Variants in PITPNC1 observed in about 807,000 individuals in gnomAD.
PITPNC1 encodes phosphatidylinositol transfer protein cytoplasmic 1.
Under a neutral mutation model 44.7 loss-of-function variants are expected in PITPNC1, and 18 were observed. That is an observed-to-expected ratio of 0.40 (90% CI 0.28 to 0.60). The LOEUF (loss-of-function observed/expected upper bound fraction) is 0.60, where lower values mean the gene tolerates loss of function less well. Ranked by LOEUF, PITPNC1 falls within the 20% of genes least tolerant of loss-of-function variation. The pLI, the probability that PITPNC1 is intolerant of heterozygous loss-of-function variation, is 0.39. For missense variants in PITPNC1, 290 were observed against 418.4 expected (o/e 0.69, Z 2.68); for synonymous variants, 141 against 149.6 (o/e 0.94, Z 0.42).
At chr17:67,589,074 G>A (rs1017589979) in intron 5 of PITPNC1, among the ~76,000 whole-genome samples, 1 of 152,176 alleles carries the variant, frequency 6.6e-6, no homozygotes, top group African/African-American at 2.4e-5. Flanking sequence ...ATCTGCTTTG[G>A]TCTGTGAAGT....
intron 4 of PITPNC1, among the ~76,000 whole-genome samples, chr17:67,554,602 G>T (rs2952459): frequency 0.14 from 20,758 of 152,124 alleles, 3,650 homozygotes; most frequent in African/African-American, 0.41. Flanking sequence ...GAGTTTTTGG[G>T]TTCAATCCAA....
chr17:67,446,710 T>C (rs780602115), intron 1 of PITPNC1, among the ~76,000 whole-genome samples: 11 of 151,782 alleles, frequency 7.2e-5, no homozygotes, highest in Non-Finnish European at 8.8e-5. Flanking sequence ...TCTGGGTCCA[T>C]TGAATGGTGG....
At position 67,619,998 on chromosome 17, in the gene PITPNC1, C is replaced by A. The variant is rs115448969; in HGVS notation, c.367-12145C>A. Among the ~76,000 whole-genome samples, 969 of 152,252 alleles carry A rather than the reference C, an allele frequency of 6.4e-3. 11 individuals carry two copies. Among genetic ancestry groups the A allele is most frequent in the African/African-American group, 0.022 (922 of 41,542 alleles). On this transcript the variant is annotated intron_variant, in intron 5 of 8. Coordinates refer to ENST00000581322, the MANE Select transcript of PITPNC1 (RefSeq NM_012417.4). The stretch of plus-strand genomic sequence containing the variant: ...AAAGACAGCCTTCTGAAGATTACTT[C>A]TCAGTCTCTTAGCCTCCCTTTTCCT...
intron 1 of PITPNC1, among the ~76,000 whole-genome samples, chr17:67,515,352 C>G (rs933806468): frequency 6.6e-6 from 1 of 152,190 alleles, no homozygotes; most frequent in African/African-American, 2.4e-5. Flanking sequence ...TGGAGCCTCT[C>G]CCTTGTTCTC....
chr17:67,424,085 CAAAAAA>C (rs71139144), intron 1 of PITPNC1, among the ~76,000 whole-genome samples: 4 of 76,118 alleles, frequency 5.3e-5, no homozygotes, highest in African/African-American at 2.0e-4. Flanking sequence ...GAGACTGTCT[CAAAAAA>C]AAAAAAAAAA....
At chr17:67,551,487 G>T (rs2040762029) in intron 2 of PITPNC1, among the ~76,000 whole-genome samples, 1 of 152,120 alleles carries the variant, frequency 6.6e-6, no homozygotes, top group African/African-American at 2.4e-5. Flanking sequence ...TCTTTGGCTT[G>T]CAGCAACATC....
At chr17:67,386,462 G>A (rs567741441) in intron 1 of PITPNC1, among the ~76,000 whole-genome samples, 1 of 152,120 alleles carries the variant, frequency 6.6e-6, no homozygotes, top group East Asian at 1.9e-4. Flanking sequence ...CAGAGTGCTG[G>A]GATTACAGGT....
chr17:67,579,775 C>G (rs879717571), intron 5 of PITPNC1, among the ~76,000 whole-genome samples: 6 of 151,856 alleles, frequency 4.0e-5, no homozygotes, highest in Non-Finnish European at 7.4e-5. Flanking sequence ...CCCATCTCTA[C>G]TAAAAATACA....
At chr17:67,482,400 A>G (rs2039716646) in intron 1 of PITPNC1, among the ~76,000 whole-genome samples, 1 of 152,290 alleles carries the variant, frequency 6.6e-6, no homozygotes, top group South Asian at 2.1e-4. Flanking sequence ...TAATAGATTA[A>G]TGGTAATCAT....
At chr17:67,660,518 T>TTTTATTTATTTATTTATTTA (rs1007987447) in intron 6 of PITPNC1, among the ~76,000 whole-genome samples, 3 of 139,380 alleles carry the variant, frequency 2.2e-5, no homozygotes, top group African/African-American at 5.9e-5. Context: ...TTTTATTTTA[T>TTTTATTTATTTATTTATTTA]TTTATTTATT....
intron 1 of PITPNC1, among the ~76,000 whole-genome samples, chr17:67,510,341 C>T (rs890557025): frequency 5.9e-5 from 9 of 152,236 alleles, no homozygotes; most frequent in Non-Finnish European, 1.3e-4. Context: ...TTTCAGGACA[C>T]CCCGAACCTG....
At chr17:67,637,105 G>A (rs2042042159) in intron 6 of PITPNC1, among the ~76,000 whole-genome samples, 1 of 152,202 alleles carries the variant, frequency 6.6e-6, no homozygotes, top group Non-Finnish European at 1.5e-5. Flanking sequence ...ACAAGAGCTG[G>A]CTCTTTCCCA....
chr17:67,468,013 C>T (rs2039453255), intron 1 of PITPNC1, among the ~76,000 whole-genome samples: 2 of 152,196 alleles, frequency 1.3e-5, no homozygotes, highest in Non-Finnish European at 1.5e-5. Context: ...CAGAGAGGGC[C>T]TCTGCCCTTT....
chr17:67,501,433 A>G (rs779317063), intron 1 of PITPNC1, among the ~76,000 whole-genome samples: 2 of 152,058 alleles, frequency 1.3e-5, no homozygotes, highest in Non-Finnish European at 2.9e-5. Context: ...TTGTCTCAAC[A>G]TTTTATTAAA....
intron 6 of PITPNC1, among the ~76,000 whole-genome samples, chr17:67,644,367 G>A (rs1598925418): frequency 6.6e-6 from 1 of 151,614 alleles, no homozygotes; most frequent in South Asian, 2.1e-4. Flanking sequence ...TCAGCCAGGA[G>A]TGAACAGATA....
intron 1 of PITPNC1, among the ~76,000 whole-genome samples, chr17:67,476,482 G>A (rs2916123): frequency 0.023 from 3,533 of 151,760 alleles, 121 homozygotes; most frequent in East Asian, 0.13. Context: ...CACCACGCCC[G>A]GCCTAGAGAC....
intron 1 of PITPNC1, among the ~76,000 whole-genome samples, chr17:67,440,737 G>A (rs935292762): frequency 1.3e-5 from 2 of 151,256 alleles, no homozygotes; most frequent in African/African-American, 4.9e-5. Context: ...ATAGGGATAG[G>A]GGTCTTGCCA....
At chr17:67,405,333 T>C (rs59477295) in intron 1 of PITPNC1, among the ~76,000 whole-genome samples, 76,483 of 151,310 alleles carry the variant, frequency 0.51, 20,216 homozygotes, top group African/African-American at 0.67. Context: ...GGGAGGATCA[T>C]TTGAGCCTGG....
At position 67,597,731 on chromosome 17, in the gene PITPNC1, G is replaced by T. The variant is rs1001031626; in HGVS notation, c.366+19474G>T. Among the ~76,000 whole-genome samples, 1 of 152,196 alleles carries T rather than the reference G, an allele frequency of 6.6e-6. No homozygotes were observed. The highest frequency in any genetic ancestry group is 1.5e-5 in the Non-Finnish European group (1 of 68,028). On this transcript the variant is annotated intron_variant, in intron 5 of 8. Coordinates refer to ENST00000581322, the MANE Select transcript of PITPNC1 (RefSeq NM_012417.4). This position sits in a 1 kb window ranked among gnomAD's most constrained non-coding sequence, Gnocchi z 4.0. ...AAACATCTATTCGGCACCAGGGGTT[G>T]TTAGGCTGGTGGAAGGGACAGGTAC...
Sources: allele counts gnomAD v4.1 joint callset (sites outside exome capture counted in the v4.1 genomes callset), GRCh38; gene constraint gnomAD v4.1.1; non-coding constraint Gnocchi (gnomAD v3.1); transcripts MANE v1.5; gene names NCBI Gene and HGNC (gene_info 2026-07-23, HGNC 2026-07-21).